The following EPHA6 variants were observed in gnomAD, a reference collection of about 807,000 sequenced individuals.
EPHA6 encodes the protein EPH receptor A6, also known as ephrin type-A receptor 6.
Under a neutral mutation model 112.0 loss-of-function variants are expected in EPHA6, and 50 were observed. The observed-to-expected ratio is 0.45, with a 90% CI of 0.36 to 0.56. The LOEUF is 0.56. Among genes scored for constraint, EPHA6 ranks in the 20% least tolerant of loss-of-function variants. The pLI, the probability that EPHA6 is intolerant of heterozygous loss-of-function variation, is 0.00. For missense variants in EPHA6, 1,280 were observed against 1,417.4 expected, an observed-to-expected ratio of 0.90 and a Z score of 1.56; for synonymous variants, 529 against 490.7, an observed-to-expected ratio of 1.08 and a Z score of -1.03.
At chr3:97,473,880 C>A (rs1230154185) in intron 7 of EPHA6, among the ~76,000 whole-genome samples, 1 of 151,814 alleles carries the variant, frequency 6.6e-6, no homozygotes, top group African/African-American at 2.4e-5. Context: ...GAAAACTTAA[C>A]ATTGTAGTAC....
intron 3 of EPHA6, among the ~76,000 whole-genome samples, chr3:97,122,539 A>G (rs1180627805): frequency 6.6e-5 from 10 of 152,076 alleles, no homozygotes; most frequent in Non-Finnish European, 1.3e-4. Context: ...AAAGAAAAAA[A>G]CACTACAAAT....
chr3:96,839,311 A>G (rs2107315432), intron 1 of EPHA6, among the ~76,000 whole-genome samples: 1 of 151,794 alleles, frequency 6.6e-6, no homozygotes, highest in Middle Eastern at 3.4e-3. Context: ...AGGAGCGTGA[A>G]CCCTATTGTG....
intron 3 of EPHA6, among the ~76,000 whole-genome samples, chr3:97,186,193 C>T (rs2077130325): frequency 7.1e-6 from 1 of 141,182 alleles, no homozygotes; most frequent in Admixed American, 6.9e-5. Flanking sequence ...GCACATGTAC[C>T]CTAAAACTTA....
intron 15 of EPHA6, among the ~76,000 whole-genome samples, chr3:97,722,946 A>T (rs1449242256): frequency 6.6e-6 from 1 of 152,164 alleles, no homozygotes; most frequent in African/African-American, 2.4e-5. Flanking sequence ...TAACTCAACC[A>T]TGAAAGACAC....
intron 5 of EPHA6, among the ~76,000 whole-genome samples, chr3:97,324,380 T>A (rs1265718042): frequency 6.7e-6 from 1 of 150,108 alleles, no homozygotes; most frequent in African/African-American, 2.5e-5. Context: ...TGCTACCAGA[T>A]TCTAAGATTT....
Position 96,967,904 on chromosome 3 carries a change from T to G in EPHA6, c.451-19426T>G, listed in dbSNP as rs541991364. Among the ~76,000 whole-genome samples the G allele has an allele frequency of 9.9e-5, 15 of 151,808 alleles. No homozygotes were observed. The South Asian group carries it at 2.5e-3, about 25-fold the overall frequency. Reference sequence around the variant, plus strand: ...TTTTGTTTATTATAAGATCTGGGAGTCTTTATCTTTTAAAAGTGGATATTT... The same window carrying G: ...TTTTGTTTATTATAAGATCTGGGAGGCTTTATCTTTTAAAAGTGGATATTT... On this transcript the variant is annotated intron_variant, in intron 2 of 17. Coordinates refer to ENST00000389672, the MANE Select transcript of EPHA6 (RefSeq NM_001080448.3).
intron 6 of EPHA6, among the ~76,000 whole-genome samples, chr3:97,444,104 G>A (rs1019968794): frequency 2.0e-5 from 3 of 152,086 alleles, no homozygotes; most frequent in Admixed American, 6.6e-5. Context: ...AGATGTGTAT[G>A]AAAACACCTT....
chr3:97,090,124 T>C (rs2047016968), intron 3 of EPHA6, among the ~76,000 whole-genome samples: 1 of 152,184 alleles, frequency 6.6e-6, no homozygotes, highest in South Asian at 2.1e-4. Flanking sequence ...ATTACTATAT[T>C]CCCTTCATGC....
rs372319617 is a variant in EPHA6 at position 97,587,746 on chromosome 3, T to G, written c.2387-4866T>G. 1.8e-4 allele frequency among the ~76,000 whole-genome samples: 27 copies of G among 152,310 alleles called. No individual in the cohort carries two copies. The East Asian group carries it at 2.5e-3, about 14-fold the overall frequency. ...AACACATTTTAGGAGTTGAAGAAAT[T>G]GATTTTCCATATTCTATTTGCTTAC... On this transcript the variant is annotated intron_variant, in intron 11 of 17. Coordinates refer to ENST00000389672, the MANE Select transcript of EPHA6 (RefSeq NM_001080448.3).
chr3:97,120,727 T>A lies in EPHA6; in HGVS notation c.1115-105537T>A, dbSNP rs79321080. 4.8e-3 allele frequency among the ~76,000 whole-genome samples: 730 copies of A among 152,096 alleles called. 3 individuals are homozygous for A. Among genetic ancestry groups the A allele is most frequent in the Non-Finnish European group, 7.2e-3 (492 of 67,910 alleles). ...AAGAATGTTATTTTCTAGATCATAA[T>A]ACCATGACTCTATGGTCTGGTGGGA... On this transcript the variant is annotated intron_variant, in intron 3 of 17. Transcript: ENST00000389672.
intron 9 of EPHA6, among the ~76,000 whole-genome samples, chr3:97,480,407 A>G (rs2107481452): frequency 6.6e-6 from 1 of 152,196 alleles, no homozygotes; most frequent in Admixed American, 6.5e-5. Context: ...GTCCCTGGGT[A>G]CTTGAGATTA....
chr3:97,732,137 A>C (rs1299487703), intron 15 of EPHA6, among the ~76,000 whole-genome samples: 2 of 151,866 alleles, frequency 1.3e-5, no homozygotes, highest in Non-Finnish European at 2.9e-5. Context: ...TATCATGCCA[A>C]ATCATTCGTG....
At chr3:97,469,105 A>G (rs2091148742) in intron 7 of EPHA6, among the ~76,000 whole-genome samples, 1 of 151,718 alleles carries the variant, frequency 6.6e-6, no homozygotes, top group African/African-American at 2.4e-5. Flanking sequence ...TTTCTAATTA[A>G]TATCGAATGA....
At chr3:97,205,621 G>A (rs923454343) in intron 3 of EPHA6, among the ~76,000 whole-genome samples, 1 of 152,028 alleles carries the variant, frequency 6.6e-6, no homozygotes, top group African/African-American at 2.4e-5. Context: ...AGTGAGGCTT[G>A]AGTATGGGAA....
intron 3 of EPHA6, among the ~76,000 whole-genome samples, chr3:96,991,960 C>A (rs2043233110): frequency 6.6e-6 from 1 of 152,074 alleles, no homozygotes; most frequent in South Asian, 2.1e-4. Context: ...ACTGCAGGGG[C>A]AGAGAATGTT....
chr3:97,103,741 A>G (rs550677598), intron 3 of EPHA6, among the ~76,000 whole-genome samples: 106 of 152,250 alleles, frequency 7.0e-4, no homozygotes, highest in African/African-American at 2.0e-3. Context: ...TTTGAGCAGT[A>G]TGGGCATTTT....
At chr3:97,408,183 G>T (rs1319151727) in intron 6 of EPHA6, among the ~76,000 whole-genome samples, 1 of 152,056 alleles carries the variant, frequency 6.6e-6, no homozygotes, top group Non-Finnish European at 1.5e-5. Context: ...CCACCCAAGA[G>T]GGTGTAGCCT....
At chr3:96,987,083 T>C (rs377403575) in intron 2 of EPHA6, among the ~76,000 whole-genome samples, 30 of 152,322 alleles carry the variant, frequency 2.0e-4, no homozygotes, top group African/African-American at 6.7e-4. Flanking sequence ...TTGAGGAAAC[T>C]AGTGATCAAA....
intron 15 of EPHA6, among the ~76,000 whole-genome samples, chr3:97,730,552 TCTAGTTAATTATCACCC>T (rs1305162693): frequency 6.6e-6 from 1 of 152,076 alleles, no homozygotes; most frequent in Non-Finnish European, 1.5e-5. Flanking sequence ...AAAAATTCTC[TCTAGTTAATTATCACCC>T]CTTCGTATCC....
Sources: gnomAD v4.1 joint callset for allele counts (sites outside exome capture counted in the v4.1 genomes callset) on GRCh38, gnomAD v4.1.1 for gene constraint, MANE v1.5 for transcripts, NCBI Gene and HGNC (gene_info 2026-07-23, HGNC 2026-07-21) for gene names.